The following AGAP1 variants were observed in gnomAD, a reference collection of about 807,000 sequenced individuals.
The protein encoded by AGAP1 is arf-GAP with GTPase, ANK repeat and PH domain-containing protein 1.
Under a neutral mutation model 105.3 loss-of-function variants are expected in AGAP1, and 29 were observed. The observed-to-expected ratio is 0.28, with a 90% CI of 0.21 to 0.38. The LOEUF (loss-of-function observed/expected upper bound fraction) is 0.38. Among genes scored for constraint, AGAP1 ranks in the 10% least tolerant of loss-of-function variants. The pLI is 1.00. For synonymous variants in AGAP1, 509 were observed against 485.9 expected (o/e 1.05, Z -0.63); for missense variants, 998 against 1,165.1 (o/e 0.86, Z 2.09).
At position 235,959,229 on chromosome 2, in the gene AGAP1, C is replaced by T. The variant is rs1472658903; in HGVS notation, c.1484-9233C>T. On this transcript the variant is annotated intron_variant, in intron 12 of 17. Transcript: ENST00000304032. The surrounding 1 kb of genome is among the most constrained non-coding windows in gnomAD (Gnocchi z 7.3). ...CAAAATAAAATGCATTCTTTGTATG[C>T]AGCCAGGAGGAGCGGATGGCGCTCC... Among the ~76,000 whole-genome samples, 4 of 152,210 alleles carry T rather than the reference C, an allele frequency of 2.6e-5. No individual in the cohort carries two copies. The highest frequency in any genetic ancestry group is 9.7e-5 in the African/African-American group (4 of 41,448).
At position 235,793,624 on chromosome 2, in the gene AGAP1, C is replaced by T. The variant is rs934666112; in HGVS notation, c.674-4135C>T. ...GAGTTAATAGATGGGAAGTGTGGGC[C>T]GCCTAGCCCTGCTCAGCCTTTGAGC... On this transcript the variant is annotated intron_variant, in intron 6 of 17. Coordinates refer to ENST00000304032, the MANE Select transcript of AGAP1 (RefSeq NM_001037131.3). This position sits in a 1 kb window ranked among gnomAD's most constrained non-coding sequence, Gnocchi z 5.3. 6.6e-6 allele frequency among the ~76,000 whole-genome samples: 1 copy of T among 152,056 alleles called. No homozygotes were observed. Among genetic ancestry groups the T allele is most frequent in the Non-Finnish European group, 1.5e-5 (1 of 68,026 alleles).
chr2:235,743,983 A>G (rs778663499), intron 4 of AGAP1, among the ~76,000 whole-genome samples: 1 of 152,206 alleles, frequency 6.6e-6, no homozygotes, highest in African/African-American at 2.4e-5. Context: ...CAGTGTGGGT[A>G]TCTGTCAAAA....
chr2:235,511,399 G>A (rs1004078502), intron 1 of AGAP1, among the ~76,000 whole-genome samples: 2 of 152,076 alleles, frequency 1.3e-5, no homozygotes, highest in African/African-American at 4.8e-5. Context: ...AGGGAGGGGG[G>A]CAGCCAGGAG....
At chr2:235,846,243 G>A (rs1961476064) in intron 9 of AGAP1, among the ~76,000 whole-genome samples, 1 of 152,128 alleles carries the variant, frequency 6.6e-6, no homozygotes, top group Non-Finnish European at 1.5e-5. Context: ...CTTACCCTGA[G>A]GTTTATAGAC....
chr2:235,656,694 C>T (rs1267260915), intron 1 of AGAP1, among the ~76,000 whole-genome samples: 1 of 152,336 alleles, frequency 6.6e-6, no homozygotes, highest in African/African-American at 2.4e-5. Context: ...AGAACCCCTT[C>T]CCTCCCTTGT....
At chr2:235,926,855 A>G (rs2052473921) in intron 11 of AGAP1, among the ~76,000 whole-genome samples, 1 of 152,184 alleles carries the variant, frequency 6.6e-6, no homozygotes, top group African/African-American at 2.4e-5. Flanking sequence ...AGACAGATCC[A>G]GAGAGAGAGG....
rs969856196 is a variant in AGAP1, at chr2:236,035,655, G to A, written c.1646-906G>A. On this transcript the variant is annotated intron_variant, in intron 13 of 17. Coordinates refer to ENST00000304032, the MANE Select transcript of AGAP1 (RefSeq NM_001037131.3). This position sits in a 1 kb window ranked among gnomAD's most constrained non-coding sequence, Gnocchi z 4.2. ...AGTTCTTCGTGGTTGTATGCAATTAGTTATGCTTTTTGCCAGTGGTGCCTC... is the reference window on the plus strand; with the variant it reads ...AGTTCTTCGTGGTTGTATGCAATTAATTATGCTTTTTGCCAGTGGTGCCTC... 3.9e-5 allele frequency among the ~76,000 whole-genome samples: 6 copies of A among 152,184 alleles called. No individual in the cohort carries two copies. Among genetic ancestry groups the A allele is most frequent in the African/African-American group, 1.4e-4 (6 of 41,452 alleles).
chr2:235,545,896 G>C (rs1428565395), intron 1 of AGAP1, among the ~76,000 whole-genome samples: 1 of 152,196 alleles, frequency 6.6e-6, no homozygotes, highest in African/African-American at 2.4e-5. Context: ...CTGAGTATTT[G>C]GGTGACTGAC....
intron 1 of AGAP1, among the ~76,000 whole-genome samples, chr2:235,669,380 C>T (rs1448467959): frequency 6.6e-6 from 1 of 152,112 alleles, no homozygotes; most frequent in African/African-American, 2.4e-5. Flanking sequence ...TTCTTGCAGG[C>T]CAAGCCCCAG....
Position 235,750,600 on chromosome 2 carries a change from T to G in AGAP1, c.673+112T>G. On this transcript the variant is annotated intron_variant, in intron 6 of 17. Coordinates refer to ENST00000304032, the MANE Select transcript of AGAP1 (RefSeq NM_001037131.3). This position sits in a 1 kb window ranked among gnomAD's most constrained non-coding sequence, Gnocchi z 5.3. Reference sequence around the variant, plus strand: ...GTGGGTGGTGGAAATATGTCGTTGATGGGTGGGCATTAGTATCGAGAGCAG... The same window carrying G: ...GTGGGTGGTGGAAATATGTCGTTGAGGGGTGGGCATTAGTATCGAGAGCAG... 1 of 1,493,706 alleles carries G rather than the reference T, an allele frequency of 6.7e-7. No homozygotes were observed. Among genetic ancestry groups the G allele is most frequent in the Non-Finnish European group, 9.2e-7 (1 of 1,082,082 alleles). 92.5% of individuals were successfully genotyped at this position (1,493,706 alleles called of 1,614,324 possible).
At position 235,642,032 on chromosome 2, in the gene AGAP1, C is replaced by T. The variant is rs1457719881; in HGVS notation, c.164-67147C>T. On this transcript the variant is annotated intron_variant, in intron 1 of 17. Transcript: ENST00000304032. This position sits in a 1 kb window ranked among gnomAD's most constrained non-coding sequence, Gnocchi z 4.1. ...TTCTTCAGGTATCTTCTTACATCAT[C>T]TTGCTTCTTTACTCAGCATAAAGCC... is the stretch of plus-strand genomic sequence containing the variant. Among the ~76,000 whole-genome samples, 4 of 152,246 alleles carry T rather than the reference C, an allele frequency of 2.6e-5. No individual in the cohort carries two copies. In the East Asian group the frequency reaches 7.7e-4, roughly 29 times the overall value.
intron 13 of AGAP1, among the ~76,000 whole-genome samples, chr2:235,997,347 C>T (rs1373039676): frequency 2.6e-5 from 4 of 152,198 alleles, no homozygotes; most frequent in Admixed American, 6.5e-5. Context: ...CCTCGGCCTC[C>T]CAAAGTGGGG....
At chr2:235,567,840 A>T (rs1944396374) in intron 1 of AGAP1, among the ~76,000 whole-genome samples, 1 of 151,986 alleles carries the variant, frequency 6.6e-6, no homozygotes, top group Non-Finnish European at 1.5e-5. Flanking sequence ...AGGAAAGGAC[A>T]AAGATGAAGG....
At position 235,576,348 on chromosome 2, in the gene AGAP1, A is replaced by G. The variant is rs1387609937; in HGVS notation, c.163+81499A>G. ...TTGTTAACCTGGTTCACTAGAAGCTAATGCATTGATTATTTTTGTGTGTGT... is the reference window on the plus strand; with the variant it reads ...TTGTTAACCTGGTTCACTAGAAGCTGATGCATTGATTATTTTTGTGTGTGT... On this transcript the variant is annotated intron_variant, in intron 1 of 17. Coordinates refer to ENST00000304032, the MANE Select transcript of AGAP1 (RefSeq NM_001037131.3). Among the ~76,000 whole-genome samples, 3 of 152,140 alleles carry G rather than the reference A, an allele frequency of 2.0e-5. No individual in the cohort carries two copies. The East Asian group carries it at 5.8e-4, about 29-fold the overall frequency.
At chr2:235,707,485 C>T (rs1950598893) in intron 1 of AGAP1, among the ~76,000 whole-genome samples, 1 of 116,738 alleles carries the variant, frequency 8.6e-6, no homozygotes, top group African/African-American at 3.1e-5. Context: ...CCCCCCCCCC[C>T]CGCCCAGAAC....
Position 235,901,766 on chromosome 2 carries a change from C to T in AGAP1, c.1156-6972C>T, listed in dbSNP as rs2051075772. 2.6e-5 allele frequency among the ~76,000 whole-genome samples: 4 copies of T among 152,006 alleles called. 1 individual carries two copies. The South Asian group carries it at 8.3e-4, about 32-fold the overall frequency. On this transcript the variant is annotated intron_variant, in intron 10 of 17. Coordinates refer to ENST00000304032, the MANE Select transcript of AGAP1 (RefSeq NM_001037131.3). This position sits in a 1 kb window ranked among gnomAD's most constrained non-coding sequence, Gnocchi z 4.3. ...CATAGGAACGTGCCTGTAATCCCAG[C>T]TACTCAGGAGGCTGAGGCAGTAGAA...
Position 236,002,027 on chromosome 2 carries a change from G to A in AGAP1, c.1645+33404G>A, listed in dbSNP as rs1264869642. 6.6e-6 allele frequency among the ~76,000 whole-genome samples: 1 copy of A among 152,218 alleles called. No homozygotes were observed. The highest frequency in any genetic ancestry group is 1.5e-5 in the Non-Finnish European group (1 of 68,050). On this transcript the variant is annotated intron_variant, in intron 13 of 17. Coordinates refer to ENST00000304032, the MANE Select transcript of AGAP1 (RefSeq NM_001037131.3). This position sits in a 1 kb window ranked among gnomAD's most constrained non-coding sequence, Gnocchi z 4.3. ...GCCTCCATGGCTGGTCCTGGACTGG[G>A]TGAGGACACCATGAGAAACAGCTAG...
chr2:235,906,989 C>G lies in AGAP1; in HGVS notation c.1156-1749C>G, dbSNP rs930530795. Among the ~76,000 whole-genome samples, 9 of 152,258 alleles carry G rather than the reference C, an allele frequency of 5.9e-5. No homozygotes were observed. Among genetic ancestry groups the G allele is most frequent in the African/African-American group, 2.2e-4 (9 of 41,550 alleles). ...TGAGTTCATGCCACTCCACTCCAGC[C>G]TGGGCAACAGAGTGAGACTCTTGTC... On this transcript the variant is annotated intron_variant, in intron 10 of 17. Coordinates refer to ENST00000304032, the MANE Select transcript of AGAP1 (RefSeq NM_001037131.3). This position sits in a 1 kb window ranked among gnomAD's most constrained non-coding sequence, Gnocchi z 5.3.
Position 235,891,481 on chromosome 2 carries a change from G to A in AGAP1, c.1155+8032G>A, listed in dbSNP as rs186811432. Among the ~76,000 whole-genome samples the A allele has an allele frequency of 1.6e-3, 238 of 152,286 alleles. No individual in the cohort carries two copies. Among genetic ancestry groups the A allele is most frequent in the African/African-American group, 4.9e-3 (205 of 41,564 alleles). The stretch of plus-strand genomic sequence containing the variant: ...TCTAAGACCCTGAGAGTCCCTTTCT[G>A]TGGACTTAAATGTGAGCCTTAGGGA... On this transcript the variant is annotated intron_variant, in intron 10 of 17. Coordinates refer to ENST00000304032, the MANE Select transcript of AGAP1 (RefSeq NM_001037131.3). The surrounding 1 kb of genome is among the most constrained non-coding windows in gnomAD (Gnocchi z 4.2).
Sources: gnomAD v4.1 joint callset for allele counts (sites outside exome capture counted in the v4.1 genomes callset) on GRCh38, gnomAD v4.1.1 for gene constraint, Gnocchi (gnomAD v3.1) non-coding constraint, MANE v1.5 for transcripts, NCBI Gene and HGNC (gene_info 2026-07-23, HGNC 2026-07-21) for gene names.